The following NCOA2 variants were observed in gnomAD, a reference collection of about 807,000 sequenced individuals.
NCOA2 encodes class E basic helix-loop-helix protein 75.
Under a neutral mutation model 145.1 loss-of-function variants are expected in NCOA2, and 21 were observed. The ratio of observed to expected loss-of-function variants is 0.14; its 90% CI spans 0.10 to 0.21. The LOEUF (loss-of-function observed/expected upper bound fraction) is 0.21, where lower values mean the gene tolerates loss of function less well. Ranked by LOEUF, NCOA2 falls within the 10% of genes least tolerant of loss-of-function variation. The probability of loss-of-function intolerance (pLI) is 1.00; values close to 1 mark genes in which losing one functional copy is unlikely to be tolerated. For synonymous variants in NCOA2, 619 were observed against 637.5 expected (o/e 0.97, Z 0.44); for missense variants, 1,472 against 1,837.6 (o/e 0.80, Z 3.64).
At chr8:70,441,457 AAAAG>A in the NCOA2 span, among the ~76,000 whole-genome samples, 384 of 150,924 alleles carry the variant, frequency 2.5e-3, 1 homozygote, top group Middle Eastern at 0.014. Context: ...AAAAAGAAAG[AAAAG>A]AAAGAGAGAG....
intron 2 of NCOA2, among the ~76,000 whole-genome samples, chr8:70,225,878 C>A (rs759300729): frequency 6.6e-6 from 1 of 152,170 alleles, no homozygotes; most frequent in Non-Finnish European, 1.5e-5. Context: ...TAATTAACCT[C>A]TTTGGAGCTT....
chr8:70,438,457 A>G, the NCOA2 span, among the ~76,000 whole-genome samples: 1 of 152,160 alleles, frequency 6.6e-6, no homozygotes, highest in Non-Finnish European at 1.5e-5. Flanking sequence ...CCAATATATT[A>G]TACTGACCTC....
chr8:70,415,745 T>G, the NCOA2 span, among the ~76,000 whole-genome samples: 1 of 152,204 alleles, frequency 6.6e-6, no homozygotes, highest in Non-Finnish European at 1.5e-5. Flanking sequence ...CTTTGAGACC[T>G]AAGTGTATTT....
chr8:70,448,160 TA>T, the NCOA2 span, among the ~76,000 whole-genome samples: 1 of 152,212 alleles, frequency 6.6e-6, no homozygotes, highest in African/African-American at 2.4e-5. Context: ...AGGCTAATGC[TA>T]ATTTTTTTTC....
intron 2 of NCOA2, among the ~76,000 whole-genome samples, chr8:70,255,060 T>C (rs1028236503): frequency 4.6e-5 from 7 of 152,166 alleles, no homozygotes; most frequent in African/African-American, 1.7e-4. Flanking sequence ...ATTTAAAAAA[T>C]ACTTTTATAC....
Position 70,204,809 on chromosome 8 carries a change from T to A in NCOA2, c.259+9094A>T, listed in dbSNP as rs1053862386. 2.6e-5 allele frequency among the ~76,000 whole-genome samples: 4 copies of A among 152,092 alleles called. 1 individual carries two copies. Among genetic ancestry groups the A allele is most frequent in the South Asian group, 4.1e-4 (2 of 4,820 alleles). ...GAGTTCAAGACCAGCCTGGGCAACA[T>A]GGCGAAACCCTGTCTCTACTAAAAA... On this transcript the variant is annotated intron_variant, in intron 4 of 22. Coordinates refer to ENST00000452400, the MANE Select transcript of NCOA2 (RefSeq NM_006540.4).
intron 12 of NCOA2, among the ~76,000 whole-genome samples, chr8:70,145,393 C>T (rs1322543834): frequency 1.3e-5 from 2 of 151,214 alleles, no homozygotes; most frequent in African/African-American, 4.9e-5. Context: ...GGCCCGATCT[C>T]GGCTCACTGC....
At chr8:70,420,276 T>C in the NCOA2 span, among the ~76,000 whole-genome samples, 1 of 152,238 alleles carries the variant, frequency 6.6e-6, no homozygotes, top group South Asian at 2.1e-4. Flanking sequence ...CTGGACTTAT[T>C]TTACAACAAA....
At chr8:70,422,403 T>G in the NCOA2 span, among the ~76,000 whole-genome samples, 5 of 144,146 alleles carry the variant, frequency 3.5e-5, no homozygotes, top group East Asian at 2.0e-4. Context: ...AATGCTGTGT[T>G]TTTTTTTTTT....
intron 1 of NCOA2, among the ~76,000 whole-genome samples, chr8:70,297,639 A>G (rs1434897950): frequency 1.3e-5 from 2 of 152,210 alleles, no homozygotes; most frequent in Non-Finnish European, 2.9e-5. Flanking sequence ...AGCCAAGGAC[A>G]GCCTTTATGG....
intron 18 of NCOA2, among the ~76,000 whole-genome samples, chr8:70,127,632 G>A (rs1808585697): frequency 6.6e-6 from 1 of 152,138 alleles, no homozygotes; most frequent in Non-Finnish European, 1.5e-5. Flanking sequence ...GAGGCATGAG[G>A]CTGCTAAGAT....
intron 2 of NCOA2, among the ~76,000 whole-genome samples, chr8:70,262,757 T>C (rs529207759): frequency 2.0e-5 from 3 of 152,262 alleles, no homozygotes; most frequent in African/African-American, 7.2e-5. Context: ...ATAGAGATTG[T>C]ATTTCTTTTA....
chr8:70,335,786 C>A (rs1807531439), intron 1 of NCOA2, among the ~76,000 whole-genome samples: 3 of 152,042 alleles, frequency 2.0e-5, no homozygotes, highest in Admixed American at 1.3e-4. Context: ...AGCATATTTA[C>A]ACAAACCTAG....
At chr8:70,423,712 C>G in the NCOA2 span, among the ~76,000 whole-genome samples, 1 of 152,188 alleles carries the variant, frequency 6.6e-6, no homozygotes, top group Non-Finnish European at 1.5e-5. Context: ...GAATCACTAT[C>G]CCACTTCATG....
the NCOA2 span, among the ~76,000 whole-genome samples, chr8:70,446,078 G>C: frequency 6.6e-5 from 10 of 151,396 alleles, no homozygotes; most frequent in African/African-American, 2.4e-4. Flanking sequence ...CAAGACACAA[G>C]TTAAACATAC....
At chr8:70,356,839 T>C (rs1306707869) in intron 1 of NCOA2, among the ~76,000 whole-genome samples, 1 of 152,228 alleles carries the variant, frequency 6.6e-6, no homozygotes, top group Non-Finnish European at 1.5e-5. Context: ...CCAAAATATT[T>C]GATGGCATGA....
chr8:70,382,397 G>C (rs1407949276), intron 1 of NCOA2, among the ~76,000 whole-genome samples: 3 of 152,084 alleles, frequency 2.0e-5, no homozygotes, highest in Admixed American at 6.6e-5. Flanking sequence ...CATAGTGTAA[G>C]GCTTACATTT....
Position 70,156,323 on chromosome 8 carries a change from G to A in NCOA2, c.2042C>T (p.Thr681Ile), listed in dbSNP as rs370409922. 6.2e-7 allele frequency: 1 copy of A among 1,613,832 alleles called. No individual in the cohort carries two copies. Among genetic ancestry groups the A allele is most frequent in the Non-Finnish European group, 8.5e-7 (1 of 1,179,844 alleles). ...AATTTTATGCTTCTCCTTGAGCGAG[G>A]TTCCATGTGTAGACCCAGAACCAGG... ...SLPGSGSTHG[T>I]SLKEKHKILH... The change falls in exon 11 of 23, where the codon ACC becomes ATC. Residue 681 changes from threonine to isoleucine, a missense_variant. This residue lies in a region of NCOA2 where 953 missense variants were observed against 1,062.1 expected (regional missense o/e 0.90). Coordinates refer to ENST00000452400, the MANE Select transcript of NCOA2 (RefSeq NM_006540.4).
chr8:70,438,319 C>G, the NCOA2 span, among the ~76,000 whole-genome samples: 1 of 152,176 alleles, frequency 6.6e-6, no homozygotes, highest in African/African-American at 2.4e-5. Context: ...TAATTCAAAA[C>G]CCTAGCTTGT....
Sources: gnomAD v4.1 joint callset for allele counts (sites outside exome capture counted in the v4.1 genomes callset) on GRCh38, gnomAD v4.1.1 for gene constraint, gnomAD v4.1.1 regional missense constraint, MANE v1.5 for transcripts, NCBI Gene and HGNC (gene_info 2026-07-23, HGNC 2026-07-21) for gene names.